C3orf18: variants seen among roughly 807,000 people sequenced by gnomAD.
C3orf18 encodes chromosome 3 open reading frame 18.
In C3orf18, 12 loss-of-function variants were observed where a neutral mutation model predicts 14.1. The observed-to-expected ratio is 0.85, with a 90% CI of 0.55 to 1.38. C3orf18 has a LOEUF of 1.38. Ranked by LOEUF, C3orf18 falls within the 40% of genes most tolerant of loss-of-function variation. The pLI is 0.00. For synonymous variants in C3orf18, 82 were observed against 87.9 expected (o/e 0.93, Z 0.38); for missense variants, 196 against 213.9 (o/e 0.92, Z 0.52).
upstream of C3orf18, chr3:50,571,061 G>C: frequency 6.8e-7 from 1 of 1,464,800 alleles, no homozygotes; most frequent in Non-Finnish European, 9.3e-7. Context: ...TCATAAAGCA[G>C]ACTTGGGAAC....
intron 5 of C3orf18, 107 bp from the exon 6 acceptor site, chr3:50,559,844 A>G (rs537304039): frequency 5.0e-5 from 32 of 634,982 alleles, no homozygotes; most frequent in Non-Finnish European, 7.4e-5. Flanking sequence ...GCTTGGCACT[A>G]GCAATGGCTT....
chr3:50,572,157 G>A (rs1314740474), upstream of C3orf18: 4 of 1,613,976 alleles, frequency 2.5e-6, no homozygotes, highest in South Asian at 4.4e-5. Context: ...ACTTCCAGGG[G>A]CTCAGCCTAA....
Position 50,558,482 on chromosome 3 carries a change from C to T in C3orf18, c.*1175G>A. On this transcript the variant is annotated 3_prime_UTR_variant, in exon 6 of 6. Transcript: ENST00000357203. ...GACCCATCTCCCCACTCTCTAAACA[C>T]TGAACGGCTCTTCCCATAGATGGGA... 2.8e-6 allele frequency: 1 copy of T among 359,440 alleles called. No individual in the cohort carries two copies. Among genetic ancestry groups the T allele is most frequent in the South Asian group, 2.2e-5 (1 of 46,330 alleles). 22.3% of individuals were successfully genotyped at this position (359,440 alleles called of 1,614,324 possible). A position where few individuals can be genotyped will look rare whatever the true frequency, so the allele number is the denominator to read the frequency against.
At chr3:50,571,604 G>A (rs1700968794), upstream of C3orf18, 1 of 1,052,216 alleles carries the variant, frequency 9.5e-7, no homozygotes, top group South Asian at 1.3e-5. Flanking sequence ...ATGATGAGAG[G>A]GTTGGGCCTC....
chr3:50,564,953 A>G (rs1464332221), intron 3 of C3orf18, among the ~76,000 whole-genome samples: 1 of 152,228 alleles, frequency 6.6e-6, no homozygotes, highest in African/African-American at 2.4e-5. Context: ...TTCATGACCC[A>G]GCTCAAGACA....
upstream of C3orf18, chr3:50,567,885 T>G (rs1700459661): frequency 6.6e-6 from 1 of 152,314 alleles, no homozygotes; most frequent in Non-Finnish European, 1.5e-5. Flanking sequence ...GGTCGCAGTT[T>G]TTAGAGACTA....
At chr3:50,563,697 G>A (rs535219461) in intron 3 of C3orf18, among the ~76,000 whole-genome samples, 1 of 152,150 alleles carries the variant, frequency 6.6e-6, no homozygotes, top group African/African-American at 2.4e-5. Flanking sequence ...GCACCTCTGG[G>A]CCTGTCTCCG....
Position 50,558,702 on chromosome 3 carries a change from G to T in C3orf18, c.*955C>A. 1 of 1,288,706 alleles carries T rather than the reference G, an allele frequency of 7.8e-7. No homozygotes were observed. The allele number at this position is 1,288,706 out of a possible 1,614,324, so 79.8% of individuals were successfully genotyped here. A position where few individuals can be genotyped will look rare whatever the true frequency, so the allele number is the denominator to read the frequency against. On this transcript the variant is annotated 3_prime_UTR_variant, in exon 6 of 6. Coordinates refer to ENST00000357203, the MANE Select transcript of C3orf18 (RefSeq NM_016210.5). ...CAGGGAGCCGTTTTCAGAAGCAGGT[G>T]AGCCCAGTGAAACAATGCAGTGGAG...
At chr3:50,562,551 T>C (rs1356443932) in intron 3 of C3orf18, 1 of 454,576 alleles carries the variant, frequency 2.2e-6, no homozygotes, top group Non-Finnish European at 4.4e-6. Flanking sequence ...AGCCCAGGAG[T>C]TCAAGTCCAG....
At chr3:50,573,869 G>C (rs539042675), upstream of C3orf18, among the ~76,000 whole-genome samples, 27 of 152,350 alleles carry the variant, frequency 1.8e-4, 1 homozygote, top group South Asian at 5.4e-3. Flanking sequence ...TGGCCTGGCA[G>C]TGAATACAGT....
upstream of C3orf18, chr3:50,570,687 G>C (rs1169958553): frequency 6.2e-6 from 1 of 160,584 alleles, no homozygotes; most frequent in Non-Finnish European, 1.4e-5. Context: ...CCCCACATAT[G>C]TGCCCTAACC....
At chr3:50,571,313 A>G (rs1333989019), upstream of C3orf18, 3 of 1,596,782 alleles carry the variant, frequency 1.9e-6, no homozygotes, top group Non-Finnish European at 1.7e-6. Context: ...ATCGTGGCTC[A>G]TGTCCTTGGA....
rs1464044259 is a variant in C3orf18, at chr3:50,559,734, T to C, written c.412A>G (p.Thr138Ala). 1 of 1,581,548 alleles carries C rather than the reference T, an allele frequency of 6.3e-7. No homozygotes were observed. The highest frequency in any genetic ancestry group is 8.6e-7 in the Non-Finnish European group (1 of 1,162,862). Reference sequence around the variant, plus strand: ...TGCAGTGGGCCCTGGGAGGGCAGAGTAGTCTGCAGGAAGACAGGCAGGGGC... The same window carrying C: ...TGCAGTGGGCCCTGGGAGGGCAGAGCAGTCTGCAGGAAGACAGGCAGGGGC... ...TSVQAMQGKT[T>A]LPSQGPLQRP... Residue 138 changes from threonine to alanine, a missense_variant, in exon 6 of 6, where the codon ACT becomes GCT. Transcript: ENST00000357203.
upstream of C3orf18, chr3:50,570,406 A>G (rs912393021): frequency 6.6e-6 from 1 of 152,266 alleles, no homozygotes; most frequent in Non-Finnish European, 1.5e-5. Flanking sequence ...TTCAGCATGT[A>G]CATCCATGAC....
intron 4 of C3orf18, 66 bp downstream of exon 4, chr3:50,561,656 A>G: frequency 6.6e-7 from 1 of 1,518,648 alleles, no homozygotes; most frequent in Non-Finnish European, 9.1e-7. Flanking sequence ...CTTCCTTCGG[A>G]GCCCAGCCCA....
intron 5 of C3orf18, among the ~76,000 whole-genome samples, chr3:50,560,574 C>T (rs185270830): frequency 3.9e-5 from 6 of 152,362 alleles, no homozygotes; most frequent in South Asian, 4.1e-4. Flanking sequence ...TCCTACTTTC[C>T]TAACCAGTAC....
chr3:50,571,003 C>G (rs1700890634), upstream of C3orf18: 3 of 842,030 alleles, frequency 3.6e-6, no homozygotes, highest in Non-Finnish European at 1.8e-6. Flanking sequence ...CCATCTCCAC[C>G]CAGCTGGGTC....
rs1321949505 is a variant in C3orf18, at chr3:50,558,505, G to A, written c.*1152C>T. Reference sequence around the variant, plus strand: ...CACTGAACGGCTCTTCCCATAGATGGGATGGAGGTGGGGAATTCAAACATA... The same window carrying A: ...CACTGAACGGCTCTTCCCATAGATGAGATGGAGGTGGGGAATTCAAACATA... On this transcript the variant is annotated 3_prime_UTR_variant, in exon 6 of 6. Coordinates refer to ENST00000357203, the MANE Select transcript of C3orf18 (RefSeq NM_016210.5). The A allele has an allele frequency of 5.3e-6, 2 of 374,804 alleles. No individual in the cohort carries two copies. Among genetic ancestry groups the A allele is most frequent in the African/African-American group, 4.3e-5 (2 of 47,034 alleles). The allele number at this position is 374,804 out of a possible 1,614,324, so 23.2% of individuals were successfully genotyped here.
upstream of C3orf18, chr3:50,572,293 C>T: frequency 6.6e-7 from 1 of 1,505,638 alleles, no homozygotes; most frequent in Admixed American, 2.0e-5. Context: ...CTCCAGGGGG[C>T]ACTGGGGCCC....
Sources: gnomAD v4.1 joint callset for allele counts (sites outside exome capture counted in the v4.1 genomes callset) on GRCh38, gnomAD v4.1.1 for gene constraint, MANE v1.5 for transcripts, NCBI Gene and HGNC (gene_info 2026-07-23, HGNC 2026-07-21) for gene names.